TCF7L1: variants seen among roughly 807,000 people sequenced by gnomAD.
The protein encoded by TCF7L1 is transcription factor 7-like 1.
A neutral mutation model predicts 63.7 loss-of-function variants in TCF7L1; 18 were observed. The ratio of observed to expected loss-of-function variants is 0.28; its 90% CI spans 0.20 to 0.42. The LOEUF is 0.42. Among genes scored for constraint, TCF7L1 ranks in the 10% least tolerant of loss-of-function variants. The pLI, the probability that TCF7L1 is intolerant of heterozygous loss-of-function variation, is 1.00. For synonymous variants in TCF7L1, 355 were observed against 340.9 expected (o/e 1.04, Z -0.46); for missense variants, 654 against 779.3 (o/e 0.84, Z 1.91).
intron 3 of TCF7L1, among the ~76,000 whole-genome samples, chr2:85,235,843 G>C (rs1027619039): frequency 2.6e-5 from 4 of 151,910 alleles, no homozygotes; most frequent in African/African-American, 9.7e-5. Context: ...GTAACATAGG[G>C]AAAGTCTGTC....
intron 5 of TCF7L1, among the ~76,000 whole-genome samples, chr2:85,303,049 T>C (rs940435617): frequency 6.6e-6 from 1 of 152,202 alleles, no homozygotes; most frequent in African/African-American, 2.4e-5. Context: ...ATTTATTTAT[T>C]TAAGACAGTC....
At position 85,134,950 on chromosome 2, in the gene TCF7L1, G is replaced by C. The variant is rs530254190; in HGVS notation, c.441+500G>C. 6.6e-6 allele frequency among the ~76,000 whole-genome samples: 1 copy of C among 152,246 alleles called. No homozygotes were observed. Among genetic ancestry groups the C allele is most frequent in the African/African-American group, 2.4e-5 (1 of 41,556 alleles). ...CGTTCCCACCCCCAGCCCTCGCACC[G>C]GGGCCTCAGCTTTTCTGCGGAGCTA... On this transcript the variant is annotated intron_variant, in intron 3 of 11. Transcript: ENST00000282111. This position sits in a 1 kb window ranked among gnomAD's most constrained non-coding sequence, Gnocchi z 5.0.
At chr2:85,251,529 G>A (rs1285091099) in intron 3 of TCF7L1, among the ~76,000 whole-genome samples, 4 of 152,162 alleles carry the variant, frequency 2.6e-5, no homozygotes, top group African/African-American at 7.2e-5. Context: ...AATTGGGGTC[G>A]AGTTAGAACC....
chr2:85,236,897 T>G (rs1401476139), intron 3 of TCF7L1, among the ~76,000 whole-genome samples: 1 of 152,194 alleles, frequency 6.6e-6, no homozygotes, highest in Non-Finnish European at 1.5e-5. Context: ...CTTTGTTCCC[T>G]AAACCTGTCT....
intron 3 of TCF7L1, chr2:85,205,160 A>C (rs1015110753): frequency 3.3e-5 from 5 of 152,238 alleles, no homozygotes; most frequent in Admixed American, 3.3e-4. Flanking sequence ...TTCTAGTTTC[A>C]AGTTGTTTTA....
At chr2:85,216,724 G>A (rs866571011) in intron 3 of TCF7L1, among the ~76,000 whole-genome samples, 7 of 152,266 alleles carry the variant, frequency 4.6e-5, no homozygotes, top group South Asian at 2.1e-4. Context: ...ACCAAGGAGA[G>A]CATGATAGGG....
intron 3 of TCF7L1, among the ~76,000 whole-genome samples, chr2:85,253,916 A>G (rs1269501594): frequency 6.6e-6 from 1 of 152,144 alleles, no homozygotes; most frequent in African/African-American, 2.4e-5. Flanking sequence ...GCTCAGCCAG[A>G]CCCCACTGTC....
intron 10 of TCF7L1, among the ~76,000 whole-genome samples, chr2:85,307,029 A>G (rs1682131838): frequency 6.6e-6 from 1 of 152,202 alleles, no homozygotes; most frequent in African/African-American, 2.4e-5. Flanking sequence ...GAAATAAGGA[A>G]GGTGTTTTAA....
Position 85,306,647 on chromosome 2 carries a change from A to G in TCF7L1, c.1257+88A>G. On this transcript the variant is annotated intron_variant, in intron 10 of 11. Coordinates refer to ENST00000282111, the MANE Select transcript of TCF7L1 (RefSeq NM_031283.3). The surrounding 1 kb of genome is among the most constrained non-coding windows in gnomAD (Gnocchi z 4.3). The stretch of plus-strand genomic sequence containing the variant: ...AGGGTGAAGGAAAGCAACTGCATTT[A>G]TTTTTATTTATTTTATTTTCTTTTA... 1.0e-6 allele frequency: 1 copy of G among 993,672 alleles called. No homozygotes were observed. The highest frequency in any genetic ancestry group is 1.5e-6 in the Non-Finnish European group (1 of 675,078). 61.6% of individuals were successfully genotyped at this position (993,672 alleles called of 1,614,324 possible).
At chr2:85,177,847 C>T (rs1678715248) in intron 3 of TCF7L1, among the ~76,000 whole-genome samples, 1 of 152,124 alleles carries the variant, frequency 6.6e-6, no homozygotes, top group Admixed American at 6.5e-5. Flanking sequence ...AGCATAGGTA[C>T]ACAGTTTTTG....
At chr2:85,286,552 A>G (rs977249208) in intron 4 of TCF7L1, among the ~76,000 whole-genome samples, 7 of 151,458 alleles carry the variant, frequency 4.6e-5, no homozygotes, top group East Asian at 2.0e-4. Context: ...CTGGAGTGCA[A>G]TGGCGCGATC....
intron 3 of TCF7L1, among the ~76,000 whole-genome samples, chr2:85,213,459 T>G (rs1679620312): frequency 6.6e-6 from 1 of 152,130 alleles, no homozygotes; most frequent in African/African-American, 2.4e-5. Context: ...CAGTGTTTTA[T>G]TTGGAAGGTA....
At chr2:85,204,618 CA>C (rs146969907) in intron 3 of TCF7L1, among the ~76,000 whole-genome samples, 32,531 of 151,944 alleles carry the variant, frequency 0.21, 4,146 homozygotes, top group Non-Finnish European at 0.29. Context: ...TGGGCTTAAG[CA>C]AACCTCCCAC....
intron 3 of TCF7L1, among the ~76,000 whole-genome samples, chr2:85,271,083 C>T (rs1343574356): frequency 6.6e-6 from 1 of 151,918 alleles, no homozygotes; most frequent in Non-Finnish European, 1.5e-5. Context: ...GTGCCAGTGT[C>T]GAGGAAATCC....
chr2:85,194,327 G>C (rs1029764147), intron 3 of TCF7L1, among the ~76,000 whole-genome samples: 1 of 151,972 alleles, frequency 6.6e-6, no homozygotes, highest in African/African-American at 2.4e-5. Flanking sequence ...CCAGGAGTTC[G>C]AGACCAGCCT....
At chr2:85,225,145 G>A (rs970358782) in intron 3 of TCF7L1, among the ~76,000 whole-genome samples, 1 of 152,180 alleles carries the variant, frequency 6.6e-6, no homozygotes, top group South Asian at 2.1e-4. Context: ...CTATATCTCT[G>A]TTTTGGTACC....
At position 85,309,704 on chromosome 2, in the gene TCF7L1, G is replaced by T. The variant is rs920022688; in HGVS notation, c.*242G>T. The T allele has an allele frequency of 4.6e-6, 2 of 436,940 alleles. No individual in the cohort carries two copies. The highest frequency in any genetic ancestry group is 7.9e-5 in the Admixed American group (2 of 25,468). 27.1% of individuals were successfully genotyped at this position (436,940 alleles called of 1,614,324 possible). ...ATAAGAAAGAGAACTGAAAAGTAGC[G>T]TGCTATTCGTCCTGTAGGTGCTGTG... On this transcript the variant is annotated 3_prime_UTR_variant, in exon 12 of 12. Coordinates refer to ENST00000282111, the MANE Select transcript of TCF7L1 (RefSeq NM_031283.3).
chr2:85,144,783 G>A (rs913957264), intron 3 of TCF7L1, among the ~76,000 whole-genome samples: 1 of 148,116 alleles, frequency 6.8e-6, no homozygotes, highest in Admixed American at 6.8e-5. Context: ...GTTTAAGATG[G>A]TTAGAAATCA....
chr2:85,257,088 C>T (rs370441191), intron 3 of TCF7L1, among the ~76,000 whole-genome samples: 40 of 151,962 alleles, frequency 2.6e-4, no homozygotes, highest in South Asian at 1.0e-3. Context: ...GTGGCACATG[C>T]CTGTGGTCTC....
Sources: gnomAD v4.1 joint callset for allele counts (sites outside exome capture counted in the v4.1 genomes callset) on GRCh38, gnomAD v4.1.1 for gene constraint, Gnocchi (gnomAD v3.1) non-coding constraint, MANE v1.5 for transcripts, NCBI Gene and HGNC (gene_info 2026-07-23, HGNC 2026-07-21) for gene names.